The following GRID2 variants were observed in gnomAD, a reference collection of about 807,000 sequenced individuals.
GRID2 encodes glutamate ionotropic receptor delta type subunit 2, also known as glutamate receptor ionotropic, delta-2.
In GRID2, 33 loss-of-function variants were observed where a neutral mutation model predicts 114.8. That is an observed-to-expected ratio of 0.29 (90% CI 0.22 to 0.38). GRID2 has a LOEUF of 0.38. GRID2 is among the 10% of genes least tolerant of loss of function. The probability of loss-of-function intolerance (pLI) is 1.00; values close to 1 mark genes in which losing one functional copy is unlikely to be tolerated. For synonymous variants in GRID2, 505 were observed against 449.9 expected (o/e 1.12, Z -1.55); for missense variants, 1,184 against 1,257.7 (o/e 0.94, Z 0.89).
chr4:93,155,356 A>G (rs1031837150), intron 4 of GRID2, among the ~76,000 whole-genome samples: 12 of 151,796 alleles, frequency 7.9e-5, no homozygotes, highest in Admixed American at 1.3e-4. Context: ...CTCCTCCCCA[A>G]CATCTTTTTT....
intron 2 of GRID2, among the ~76,000 whole-genome samples, chr4:92,737,534 G>A (rs989967718): frequency 6.6e-6 from 1 of 151,980 alleles, no homozygotes; most frequent in African/African-American, 2.4e-5. Context: ...TCCTTCATAA[G>A]TCCTTATTCA....
intron 1 of GRID2, among the ~76,000 whole-genome samples, chr4:92,577,301 A>G (rs1727941087): frequency 6.6e-6 from 1 of 152,168 alleles, no homozygotes; most frequent in African/African-American, 2.4e-5. Context: ...GATGTCAGGG[A>G]CCTGTCACTG....
chr4:92,473,676 G>C (rs1286320797), intron 1 of GRID2, among the ~76,000 whole-genome samples: 1 of 151,956 alleles, frequency 6.6e-6, no homozygotes, highest in Non-Finnish European at 1.5e-5. Flanking sequence ...AGAAATATGT[G>C]TTCAGCTGTT....
chr4:93,778,393 C>CTTTTTTT (rs36000401), downstream of GRID2, among the ~76,000 whole-genome samples: 10 of 98,600 alleles, frequency 1.0e-4, 1 homozygote, highest in Admixed American at 1.3e-4. Flanking sequence ...TCTCATTTGG[C>CTTTTTTT]TTTTTTTTTT....
intron 2 of GRID2, among the ~76,000 whole-genome samples, chr4:92,941,550 A>T (rs991348198): frequency 1.1e-4 from 16 of 151,830 alleles, no homozygotes; most frequent in South Asian, 6.2e-4. Flanking sequence ...TTGAAGGGTT[A>T]TTTGTGTCTC....
chr4:92,727,004 C>T (rs907936184), intron 2 of GRID2, among the ~76,000 whole-genome samples: 4 of 151,972 alleles, frequency 2.6e-5, no homozygotes, highest in Admixed American at 6.6e-5. Context: ...GGGTTTCTTT[C>T]CTTTCTGTAG....
chr4:92,934,467 G>A (rs1258232345), intron 2 of GRID2, among the ~76,000 whole-genome samples: 1 of 140,662 alleles, frequency 7.1e-6, no homozygotes, highest in Non-Finnish European at 1.6e-5. Flanking sequence ...CAATCCCAAG[G>A]TAATTTATAG....
chr4:92,676,311 C>A (rs1216873266), intron 2 of GRID2, among the ~76,000 whole-genome samples: 2 of 151,830 alleles, frequency 1.3e-5, no homozygotes, highest in Non-Finnish European at 2.9e-5. Context: ...TCCCGAGTAG[C>A]TGGGACTACA....
chr4:93,251,959 TA>T (rs1748988760), intron 8 of GRID2, among the ~76,000 whole-genome samples: 1 of 152,178 alleles, frequency 6.6e-6, no homozygotes, highest in Non-Finnish European at 1.5e-5. Context: ...TGCATGTCTT[TA>T]AAATAGAGCA....
intron 2 of GRID2, among the ~76,000 whole-genome samples, chr4:92,798,154 T>C (rs563466595): frequency 6.6e-6 from 1 of 152,152 alleles, no homozygotes; most frequent in African/African-American, 2.4e-5. Flanking sequence ...TTCTATATTT[T>C]AAGAAGCGGA....
chr4:92,788,598 C>G (rs1031628072), intron 2 of GRID2, among the ~76,000 whole-genome samples: 6 of 151,790 alleles, frequency 4.0e-5, no homozygotes. Flanking sequence ...CTCATCAATA[C>G]TTAGTATTAT....
chr4:92,871,020 T>C (rs927159473), intron 2 of GRID2, among the ~76,000 whole-genome samples: 1 of 152,146 alleles, frequency 6.6e-6, no homozygotes, highest in Non-Finnish European at 1.5e-5. Flanking sequence ...GATGGATGGA[T>C]ATGTATTTTC....
intron 8 of GRID2, among the ~76,000 whole-genome samples, chr4:93,250,516 G>T (rs1376133110): frequency 1.4e-5 from 2 of 146,858 alleles, no homozygotes; most frequent in Admixed American, 1.4e-4. Flanking sequence ...TTCTGCTATT[G>T]ATTTGGGTAC....
In GRID2 at chr4:92,865,034, C is replaced by T. The variant is rs572180513; in HGVS notation, c.245-219961C>T. 3.3e-5 allele frequency among the ~76,000 whole-genome samples: 5 copies of T among 152,238 alleles called. No homozygotes were observed. The South Asian group carries it at 1.0e-3, about 32-fold the overall frequency. On this transcript the variant is annotated intron_variant, in intron 2 of 15. Transcript: ENST00000282020. ...ATTCTACTAAACCTACAAAACTTGT[C>T]TTTGTATTAAATCAATATAGAAGCT...
At chr4:93,084,863 C>G in intron 2 of GRID2, 132 bp from the exon 3 acceptor site, 4 of 646,872 alleles carry the variant, frequency 6.2e-6, no homozygotes, top group Non-Finnish European at 8.0e-6. Flanking sequence ...CTCCTCATAT[C>G]GAATGTTCCT....
At chr4:93,212,558 A>T (rs1743663229) in intron 5 of GRID2, among the ~76,000 whole-genome samples, 1 of 152,166 alleles carries the variant, frequency 6.6e-6, no homozygotes. Flanking sequence ...TACAAAAGTT[A>T]GAAATTCAGA....
chr4:92,963,858 A>C (rs1454713844), intron 2 of GRID2, among the ~76,000 whole-genome samples: 1 of 152,020 alleles, frequency 6.6e-6, no homozygotes, highest in Non-Finnish European at 1.5e-5. Context: ...TGAGAGTTGA[A>C]ACTACTCTTT....
At chr4:92,528,351 GTAATT>G (rs1312277097) in intron 1 of GRID2, among the ~76,000 whole-genome samples, 1 of 150,554 alleles carries the variant, frequency 6.6e-6, no homozygotes, top group Non-Finnish European at 1.5e-5. Context: ...TAGTAATTAT[GTAATT>G]TAGTTGTATC....
intron 2 of GRID2, among the ~76,000 whole-genome samples, chr4:92,943,810 A>T (rs1751374508): frequency 6.6e-6 from 1 of 152,190 alleles, no homozygotes; most frequent in African/African-American, 2.4e-5. Flanking sequence ...CAGGACCCTC[A>T]GCTGCAGGTC....
Sources: gnomAD v4.1 joint callset for allele counts (sites outside exome capture counted in the v4.1 genomes callset) on GRCh38, gnomAD v4.1.1 for gene constraint, MANE v1.5 for transcripts, NCBI Gene and HGNC (gene_info 2026-07-23, HGNC 2026-07-21) for gene names.